Variants in TMCO1 observed in about 807,000 individuals in gnomAD.
TMCO1 encodes calcium load-activated calcium channel.
TMCO1 carries 29 observed loss-of-function variants against 29.3 expected under a neutral mutation model. The observed-to-expected ratio is 0.99, with a 90% CI of 0.74 to 1.35. The LOEUF is 1.35. TMCO1 is among the 40% of genes most tolerant of loss of function. TMCO1 has a pLI of 0.00. For missense variants in TMCO1, 173 were observed against 225.5 expected (o/e 0.77, Z 1.49); for synonymous variants, 80 against 77.1 (o/e 1.04, Z -0.20).
In TMCO1 at chr1:165,737,804, T is replaced by C. The variant is rs545293402; in HGVS notation, c.468+5363A>G. Among the ~76,000 whole-genome samples the C allele has an allele frequency of 3.3e-3, 503 of 152,348 alleles. 1 individual carries two copies. Among genetic ancestry groups the C allele is most frequent in the Non-Finnish European group, 6.2e-3 (423 of 68,030 alleles). On this transcript the variant is annotated intron_variant, in intron 6 of 6. Transcript: ENST00000367881. ...AAGATATTTTCAGATAAATGAAGAT[T>C]AAGAGAATTTGTCACCAGCAGACTT... is the stretch of plus-strand genomic sequence containing the variant.
downstream of TMCO1, chr1:165,725,258 G>T: frequency 2.2e-6 from 1 of 453,882 alleles, no homozygotes; most frequent in Non-Finnish European, 4.4e-6. Flanking sequence ...CCTAGTTTGT[G>T]GCAAAATGCT....
chr1:165,731,256 C>A (rs76721876), intron 6 of TMCO1, among the ~76,000 whole-genome samples: 2,019 of 152,260 alleles, frequency 0.013, 53 homozygotes, highest in African/African-American at 0.047. Flanking sequence ...AAACCCATTA[C>A]ACAAAGCAGT....
chr1:165,740,280 C>A (rs1197412438), intron 6 of TMCO1, among the ~76,000 whole-genome samples: 1 of 151,822 alleles, frequency 6.6e-6, no homozygotes, highest in Non-Finnish European at 1.5e-5. Context: ...TGGCTCCCTG[C>A]AATCTCCGCC....
chr1:165,758,161 C>CT (rs1652265319), intron 3 of TMCO1, among the ~76,000 whole-genome samples: 1 of 152,158 alleles, frequency 6.6e-6, no homozygotes, highest in Non-Finnish European at 1.5e-5. Flanking sequence ...TTCCTCCTCC[C>CT]TGACACTCTC....
At chr1:165,755,586 T>C (rs1652164180) in intron 3 of TMCO1, among the ~76,000 whole-genome samples, 2 of 151,840 alleles carry the variant, frequency 1.3e-5, no homozygotes, top group African/African-American at 4.8e-5. Flanking sequence ...GCAAGAGGAG[T>C]TGGGGTTGTG....
intron 6 of TMCO1, among the ~76,000 whole-genome samples, chr1:165,732,163 C>T (rs901909725): frequency 3.9e-5 from 6 of 152,104 alleles, no homozygotes; most frequent in African/African-American, 1.4e-4. Context: ...AATATCTCTA[C>T]AGTAGTAACA....
chr1:165,733,854 C>A lies in TMCO1; in HGVS notation c.469-5733G>T, dbSNP rs552650982. 1.0e-3 allele frequency among the ~76,000 whole-genome samples: 159 copies of A among 152,218 alleles called. 1 individual carries two copies. Among genetic ancestry groups the A allele is most frequent in the Non-Finnish European group, 1.2e-4 (8 of 68,012 alleles). On this transcript the variant is annotated intron_variant, in intron 6 of 6. Transcript: ENST00000367881. ...ATTGTGTCTTCTACTGGCAGGAAAA[C>A]CTGAAAAATACAAACACAGGATTTG... is the stretch of plus-strand genomic sequence containing the variant.
Position 165,727,545 on chromosome 1 carries a change from T to C in TMCO1, c.*478A>G. The C allele has an allele frequency of 2.2e-6, 1 of 453,542 alleles. No individual in the cohort carries two copies. The highest frequency in any genetic ancestry group is 4.4e-6 in the Non-Finnish European group (1 of 226,674). 28.1% of individuals were successfully genotyped at this position (453,542 alleles called of 1,614,324 possible). ...AATGAAACAGATCTCTCCTTGTACA[T>C]AAAACAGCTAAAAATTTGGCCTCTT... is the stretch of plus-strand genomic sequence containing the variant. On this transcript the variant is annotated 3_prime_UTR_variant, in exon 7 of 7. Coordinates refer to ENST00000367881, the MANE Select transcript of TMCO1 (RefSeq NM_019026.6).
intron 5 of TMCO1, among the ~76,000 whole-genome samples, chr1:165,750,620 C>T (rs1389973626): frequency 3.3e-5 from 5 of 149,968 alleles, no homozygotes; most frequent in Non-Finnish European, 7.4e-5. Flanking sequence ...GAGTAAGTTA[C>T]AGAAATTAAT....
At chr1:165,751,957 A>C (rs977905225) in intron 5 of TMCO1, 145 bp downstream of exon 5, 34 of 671,086 alleles carry the variant, frequency 5.1e-5, no homozygotes, top group Non-Finnish European at 7.1e-5. Context: ...CTGTGAATGT[A>C]GGTAATGGAT....
chr1:165,763,616 A>C (rs1652472872), intron 2 of TMCO1, among the ~76,000 whole-genome samples: 1 of 152,112 alleles, frequency 6.6e-6, no homozygotes, highest in South Asian at 2.1e-4. Context: ...CAAATGTATT[A>C]CTTTGTTTCA....
chr1:165,752,454 AC>A (rs974642492), intron 4 of TMCO1, among the ~76,000 whole-genome samples: 8 of 151,010 alleles, frequency 5.3e-5, no homozygotes, highest in East Asian at 4.0e-4. Flanking sequence ...ATGGAGTTTC[AC>A]CGTGTTAGCC....
At chr1:165,748,266 A>AG (rs1313109257) in intron 5 of TMCO1, among the ~76,000 whole-genome samples, 2 of 152,266 alleles carry the variant, frequency 1.3e-5, no homozygotes, top group Non-Finnish European at 2.9e-5. Flanking sequence ...GGCAATGAGT[A>AG]ACAGGCTTCT....
intron 5 of TMCO1, among the ~76,000 whole-genome samples, chr1:165,747,314 A>G (rs1448387013): frequency 2.6e-5 from 4 of 151,074 alleles, no homozygotes; most frequent in African/African-American, 9.7e-5. Flanking sequence ...ACTTATAGAC[A>G]GTAGTAGCAA....
chr1:165,750,366 C>A (rs1340488510), intron 5 of TMCO1, among the ~76,000 whole-genome samples: 1 of 151,514 alleles, frequency 6.6e-6, no homozygotes, highest in East Asian at 1.9e-4. Flanking sequence ...ATGGTGAAAA[C>A]CCATCTCTAC....
intron 1 of TMCO1, 132 bp from the exon 2 acceptor site, chr1:165,768,401 G>A: frequency 6.7e-7 from 1 of 1,496,858 alleles, no homozygotes; most frequent in Admixed American, 1.9e-5. Flanking sequence ...TTTTTTCAAA[G>A]GCTAATACAA....
chr1:165,759,527 ATTTTCT>A lies in TMCO1; in HGVS notation c.200_205del (p.Lys67_Lys68del). ...TTTTGACTAATATCTCATCTTACCT[ATTTTCT>A]TTTTCTGTTGTCGACCAGCTGACTC... On this transcript the variant is annotated inframe_deletion, in exon 3 of 7. Coordinates refer to ENST00000367881, the MANE Select transcript of TMCO1 (RefSeq NM_019026.6). 6.2e-7 allele frequency: 1 copy of A among 1,610,886 alleles called. No homozygotes were observed. The highest frequency in any genetic ancestry group is 1.1e-5 in the South Asian group (1 of 90,808).
At chr1:165,763,952 T>C (rs1265299772) in intron 2 of TMCO1, among the ~76,000 whole-genome samples, 1 of 152,168 alleles carries the variant, frequency 6.6e-6, no homozygotes, top group Non-Finnish European at 1.5e-5. Flanking sequence ...TGAATTGCAG[T>C]GTACAGTAAA....
chr1:165,761,805 C>T (rs966677475), intron 2 of TMCO1, among the ~76,000 whole-genome samples: 12 of 151,472 alleles, frequency 7.9e-5, no homozygotes, highest in African/African-American at 9.7e-5. Flanking sequence ...AAAAATCAGC[C>T]GGCCATGGTG....
Sources: allele counts gnomAD v4.1 joint callset (sites outside exome capture counted in the v4.1 genomes callset), GRCh38; gene constraint gnomAD v4.1.1; transcripts MANE v1.5; gene names NCBI Gene and HGNC (gene_info 2026-07-23, HGNC 2026-07-21).